The following TTLL11 variants were observed in gnomAD, a reference collection of about 807,000 sequenced individuals.
TTLL11 encodes tubulin tyrosine ligase like 11.
Under a neutral mutation model 51.7 loss-of-function variants are expected in TTLL11, and 42 were observed. The observed-to-expected ratio is 0.81, with a 90% CI of 0.64 to 1.05. The LOEUF (loss-of-function observed/expected upper bound fraction) is 1.05. Among genes scored for constraint, TTLL11 ranks in the 50% least tolerant of loss-of-function variants. TTLL11 has a pLI of 0.00. For missense variants in TTLL11, 799 were observed against 940.4 expected (o/e 0.85, Z 1.97); for synonymous variants, 381 against 383.5 (o/e 0.99, Z 0.08).
At chr9:121,835,672 T>A (rs1267843247) in intron 8 of TTLL11, among the ~76,000 whole-genome samples, 1 of 152,142 alleles carries the variant, frequency 6.6e-6, no homozygotes, top group Non-Finnish European at 1.5e-5. Flanking sequence ...TGAAAGCAAC[T>A]CTTCTATCAT....
At chr9:121,947,193 T>C (rs1032701842) in intron 6 of TTLL11, among the ~76,000 whole-genome samples, 1 of 152,176 alleles carries the variant, frequency 6.6e-6, no homozygotes, top group Non-Finnish European at 1.5e-5. Context: ...TTTGAGCTGG[T>C]TGTTAAAAAC....
chr9:122,051,296 G>A (rs932542419), intron 1 of TTLL11, among the ~76,000 whole-genome samples: 5 of 152,082 alleles, frequency 3.3e-5, no homozygotes, highest in Non-Finnish European at 1.5e-5. Flanking sequence ...CCTTCAATTC[G>A]ACTAAGGGGG....
At chr9:122,006,996 A>C (rs943793155) in intron 3 of TTLL11, among the ~76,000 whole-genome samples, 8 of 149,734 alleles carry the variant, frequency 5.3e-5, no homozygotes, top group Non-Finnish European at 8.9e-5. Flanking sequence ...AAAAAAAAAA[A>C]AAAAAAAAAA....
At chr9:121,925,328 T>C (rs1218910038) in intron 6 of TTLL11, among the ~76,000 whole-genome samples, 7 of 152,226 alleles carry the variant, frequency 4.6e-5, no homozygotes, top group Non-Finnish European at 1.0e-4. Context: ...GCCCAGGAGA[T>C]GAGTCCCAGG....
intron 6 of TTLL11, among the ~76,000 whole-genome samples, chr9:121,960,082 C>A (rs1215737273): frequency 6.6e-6 from 1 of 151,918 alleles, no homozygotes; most frequent in Admixed American, 6.6e-5. Context: ...CCCATCCCTG[C>A]CCAGAAGTAA....
chr9:121,933,755 AT>A (rs1220030245), intron 6 of TTLL11, among the ~76,000 whole-genome samples: 1 of 152,240 alleles, frequency 6.6e-6, no homozygotes, highest in African/African-American at 2.4e-5. Flanking sequence ...TTAATAAGAC[AT>A]AGTTGGATTT....
chr9:122,059,992 T>C (rs997601997), intron 1 of TTLL11, among the ~76,000 whole-genome samples: 2 of 152,244 alleles, frequency 1.3e-5, no homozygotes, highest in African/African-American at 4.8e-5. Flanking sequence ...CATGGGTATC[T>C]GCTTTCTTCC....
At chr9:121,927,397 T>C (rs1018634101) in intron 6 of TTLL11, among the ~76,000 whole-genome samples, 1 of 152,230 alleles carries the variant, frequency 6.6e-6, no homozygotes, top group African/African-American at 2.4e-5. Context: ...ATGGTTACTA[T>C]TTTTTTGTTC....
chr9:121,966,338 C>A (rs2131637717), intron 6 of TTLL11, among the ~76,000 whole-genome samples: 1 of 152,300 alleles, frequency 6.6e-6, no homozygotes, highest in Admixed American at 6.5e-5. Flanking sequence ...AAAACCCCCT[C>A]CGATTTCTCC....
intron 8 of TTLL11, among the ~76,000 whole-genome samples, chr9:121,850,233 T>A (rs1441706382): frequency 1.3e-5 from 2 of 152,098 alleles, no homozygotes; most frequent in Non-Finnish European, 2.9e-5. Context: ...GATATGGATA[T>A]GTGAAAGGGG....
At chr9:121,951,490 C>T (rs1588148989) in intron 6 of TTLL11, among the ~76,000 whole-genome samples, 3 of 152,152 alleles carry the variant, frequency 2.0e-5, no homozygotes, top group South Asian at 2.1e-4. Context: ...TTACAAGGGA[C>T]ACTTATGTAT....
chr9:121,903,256 A>G (rs186337109), intron 6 of TTLL11, among the ~76,000 whole-genome samples: 14 of 152,218 alleles, frequency 9.2e-5, no homozygotes, highest in African/African-American at 3.1e-4. Flanking sequence ...CACAACAAAT[A>G]GGAGAGTCAG....
intron 1 of TTLL11, among the ~76,000 whole-genome samples, chr9:122,050,555 G>A (rs1244515571): frequency 1.3e-5 from 2 of 152,052 alleles, no homozygotes; most frequent in East Asian, 3.9e-4. Flanking sequence ...TCCCCTACCT[G>A]TGGTCTGCAG....
rs556018870 is a variant in TTLL11, at chr9:121,888,186, T to C, written c.1482-17438A>G. On this transcript the variant is annotated intron_variant, in intron 6 of 8. Transcript: ENST00000321582. ...TGAGAAGGTCCCAAGGCCAAGTCTTTATAGCTCAGAAGGCAGTGGCTCTGG... is the reference window on the plus strand; with the variant it reads ...TGAGAAGGTCCCAAGGCCAAGTCTTCATAGCTCAGAAGGCAGTGGCTCTGG... 1.2e-3 allele frequency among the ~76,000 whole-genome samples: 182 copies of C among 152,324 alleles called. 1 individual carries two copies. The highest frequency in any genetic ancestry group is 4.1e-3 in the African/African-American group (172 of 41,590).
chr9:122,048,913 T>A (rs10985506), intron 1 of TTLL11, among the ~76,000 whole-genome samples: 1 of 151,926 alleles, frequency 6.6e-6, no homozygotes, highest in African/African-American at 2.4e-5. Flanking sequence ...GGAGAGCCCA[T>A]GATCATCAGT....
At chr9:121,988,827 G>A (rs1843006585) in intron 4 of TTLL11, 1 of 343,552 alleles carries the variant, frequency 2.9e-6, no homozygotes, top group Non-Finnish European at 5.3e-6. Context: ...GACAATGTCT[G>A]ACCGCTACTA....
chr9:121,837,856 C>G (rs1435851755), intron 8 of TTLL11, among the ~76,000 whole-genome samples: 1 of 152,184 alleles, frequency 6.6e-6, no homozygotes, highest in Non-Finnish European at 1.5e-5. Context: ...CCTCTTGGCT[C>G]TCTCCCCACA....
chr9:122,005,491 A>G (rs886102983), intron 3 of TTLL11, among the ~76,000 whole-genome samples: 2 of 152,186 alleles, frequency 1.3e-5, no homozygotes, highest in Non-Finnish European at 2.9e-5. Context: ...GGTTGCCTGC[A>G]GGGTGGCATT....
intron 6 of TTLL11, among the ~76,000 whole-genome samples, chr9:121,919,799 G>A (rs1402385876): frequency 6.8e-6 from 1 of 147,398 alleles, no homozygotes; most frequent in African/African-American, 2.5e-5. Flanking sequence ...ATCACTTGAG[G>A]CCAGGAGTTC....
Sources: allele counts gnomAD v4.1 joint callset (sites outside exome capture counted in the v4.1 genomes callset), GRCh38; gene constraint gnomAD v4.1.1; transcripts MANE v1.5; gene names NCBI Gene and HGNC (gene_info 2026-07-23, HGNC 2026-07-21).